The following DLD variants were observed in gnomAD, a reference collection of about 807,000 sequenced individuals.
DLD encodes the protein dihydrolipoamide dehydrogenase, also known as dihydrolipoyl dehydrogenase, mitochondrial.
Under a neutral mutation model 62.2 loss-of-function variants are expected in DLD, and 36 were observed. The observed-to-expected ratio is 0.58, with a 90% confidence interval of 0.44 to 0.76. The LOEUF is 0.76. Among genes scored for constraint, DLD ranks in the 30% least tolerant of loss-of-function variants. DLD has a pLI of 0.00. For missense variants in DLD, 541 were observed against 608.6 expected, an observed-to-expected ratio of 0.89 and a Z score of 1.17; for synonymous variants, 204 against 199.6, an observed-to-expected ratio of 1.02 and a Z score of -0.19.
chr7:107,910,323 AATTCT>A (rs2032109792), intron 8 of DLD, among the ~76,000 whole-genome samples: 2 of 152,312 alleles, frequency 1.3e-5, no homozygotes, highest in Admixed American at 1.3e-4. Flanking sequence ...TCGAAGCAAT[AATTCT>A]ATTTCTTCAT....
intron 4 of DLD, 112 bp from the exon 5 acceptor site, chr7:107,903,366 G>A (rs1026331458): frequency 1.8e-5 from 13 of 722,898 alleles, no homozygotes; most frequent in East Asian, 9.8e-5. Flanking sequence ...CAATAAGAAC[G>A]AAACTCCGTC....
chr7:107,917,204 A>G (rs2032291282), intron 10 of DLD, 69 bp from the exon 11 acceptor site: 2 of 1,573,220 alleles, frequency 1.3e-6, no homozygotes, highest in African/African-American at 1.3e-5. Context: ...TTTTGTTACC[A>G]TAATGTAACT....
At chr7:107,904,904 C>T (rs1317406132) in intron 5 of DLD, 54 bp from the exon 6 acceptor site, 1 of 1,308,716 alleles carries the variant, frequency 7.6e-7, no homozygotes, top group South Asian at 1.2e-5. Flanking sequence ...AAAAACACTG[C>T]ATATTGCTTC....
chr7:107,910,400 A>G lies in DLD; in HGVS notation c.684+4032A>G, dbSNP rs2032111509. On this transcript the variant is annotated intron_variant, in intron 8 of 13. Coordinates refer to ENST00000205402, the MANE Select transcript of DLD (RefSeq NM_000108.5). ...AGTCTTTTGACACAATGATTTAGAT[A>G]CCTGTTACTGTATTGAATTAGTTTT... is the stretch of plus-strand genomic sequence containing the variant. 2.0e-5 allele frequency among the ~76,000 whole-genome samples: 3 copies of G among 152,294 alleles called. No individual in the cohort carries two copies. In the Middle Eastern group the frequency reaches 0.01, roughly 518 times the overall value.
chr7:107,913,959 T>C (rs896912222), intron 8 of DLD, among the ~76,000 whole-genome samples: 1 of 152,208 alleles, frequency 6.6e-6, no homozygotes, highest in African/African-American at 2.4e-5. Context: ...TAAAGGCTTT[T>C]TCAGCATCTG....
intron 4 of DLD, 145 bp downstream of exon 4, chr7:107,902,538 TAAAA>T: frequency 3.9e-6 from 3 of 771,164 alleles, no homozygotes; most frequent in Admixed American, 4.1e-5. Context: ...AAAAGAATGA[TAAAA>T]AACACACTTC....
At chr7:107,912,491 G>A (rs537941918) in intron 8 of DLD, among the ~76,000 whole-genome samples, 11 of 152,188 alleles carry the variant, frequency 7.2e-5, no homozygotes, top group African/African-American at 2.6e-4. Context: ...GTCAGCATTT[G>A]TTATTGCGAT....
Position 107,917,269 on chromosome 7 carries a change from G to A in DLD, c.1047-4G>A. 6.2e-7 allele frequency: 1 copy of A among 1,613,958 alleles called. No homozygotes were observed. Among genetic ancestry groups the A allele is most frequent in the Non-Finnish European group, 8.5e-7 (1 of 1,179,924 alleles). ...CATTGTGTTTCTTTTGATTTCTGTG[G>A]TAGTATCTATGCCATTGGTGATGTA... On this transcript the variant is annotated splice_polypyrimidine_tract_variant and splice_region_variant and intron_variant, in intron 10 of 13. Transcript: ENST00000205402.
At chr7:107,913,789 T>C (rs2032200942) in intron 8 of DLD, among the ~76,000 whole-genome samples, 1 of 152,090 alleles carries the variant, frequency 6.6e-6, no homozygotes, top group Admixed American at 6.5e-5. Context: ...TGGTGAAAAA[T>C]GGGCATTCTT....
chr7:107,898,752 G>A (rs908052461), intron 2 of DLD, among the ~76,000 whole-genome samples: 4 of 150,624 alleles, frequency 2.7e-5, no homozygotes, highest in African/African-American at 4.9e-5. Context: ...CACCACGCCC[G>A]GCTAATTTTT....
intron 2 of DLD, among the ~76,000 whole-genome samples, chr7:107,896,433 T>C (rs1380255558): frequency 6.6e-6 from 1 of 152,212 alleles, no homozygotes; most frequent in East Asian, 1.9e-4. Context: ...ACCCCCATGT[T>C]GTATCAAAGC....
chr7:107,918,059 C>G lies in DLD; in HGVS notation c.1372C>G (p.Pro458Ala), dbSNP rs779723449. 14 of 1,613,766 alleles carry G rather than the reference C, an allele frequency of 8.7e-6. No homozygotes were observed. Among genetic ancestry groups the G allele is most frequent in the Non-Finnish European group, 1.2e-5 (14 of 1,179,842 alleles). Residue 458 changes from proline to alanine, a missense_variant and splice_region_variant, in exon 12 of 14, where the codon CCA becomes GCA. By Grantham distance (27) the Pro-to-Ala change is conservative. Transcript: ENST00000205402. ...DRVLGAHILG[P>A]GAGEMVNEAA... ...AGTACTGGGAGCACATATTCTTGGA[C>G]CAGTGAGTATTGTAAAACCAGAGAA... is the stretch of plus-strand genomic sequence containing the variant.
chr7:107,908,466 G>A (rs1236925680), intron 8 of DLD, among the ~76,000 whole-genome samples: 1 of 151,886 alleles, frequency 6.6e-6, no homozygotes, highest in Non-Finnish European at 1.5e-5. Context: ...CCAAGAGTTT[G>A]AGACTAGCCT....
intron 2 of DLD, among the ~76,000 whole-genome samples, chr7:107,900,284 T>G (rs1031751522): frequency 1.3e-5 from 2 of 152,164 alleles, no homozygotes; most frequent in African/African-American, 4.8e-5. Flanking sequence ...GTTTTTTGAA[T>G]GATCCTACTC....
Position 107,919,277 on chromosome 7 carries a change from AT to A in DLD, c.*25del. 1.3e-6 allele frequency: 2 copies of A among 1,578,824 alleles called. No individual in the cohort carries two copies. Among genetic ancestry groups the A allele is most frequent in the South Asian group, 1.1e-5 (1 of 88,762 alleles). On this transcript the variant is annotated 3_prime_UTR_variant, in exon 14 of 14. Transcript: ENST00000205402. Reference sequence around the variant, plus strand: ...ACTTTTGAATTAGAAGATTATATATATTTTTTTCTGAAATTTCCTGGGAGCT... The same window carrying A: ...ACTTTTGAATTAGAAGATTATATATATTTTTTCTGAAATTTCCTGGGAGCT...
intron 7 of DLD, 34 bp from the exon 8 acceptor site, chr7:107,906,233 A>G: frequency 5.7e-6 from 8 of 1,413,054 alleles, no homozygotes; most frequent in Non-Finnish European, 8.0e-6. Flanking sequence ...GTTTTTTCAA[A>G]TTATTTTGAT....
intron 2 of DLD, among the ~76,000 whole-genome samples, chr7:107,896,909 T>C (rs183702890): frequency 1.2e-4 from 18 of 152,100 alleles, no homozygotes; most frequent in Non-Finnish European, 2.2e-4. Flanking sequence ...TGATCTTGGC[T>C]CACTGCAACT....
intron 2 of DLD, among the ~76,000 whole-genome samples, chr7:107,894,639 T>C (rs1416770336): frequency 2.6e-5 from 4 of 152,248 alleles, no homozygotes. Context: ...TTTTCATGGC[T>C]AACTCTATAC....
intron 7 of DLD, 102 bp from the exon 8 acceptor site, chr7:107,906,165 A>T: frequency 1.5e-6 from 1 of 684,684 alleles, no homozygotes; most frequent in Non-Finnish European, 2.6e-6. Flanking sequence ...TTTTCAATTA[A>T]TGGTTGGTTA....
Sources: allele counts gnomAD v4.1 joint callset (sites outside exome capture counted in the v4.1 genomes callset), GRCh38; gene constraint gnomAD v4.1.1; transcripts MANE v1.5; gene names NCBI Gene and HGNC (gene_info 2026-07-23, HGNC 2026-07-21).